Variants in RBFOX1 observed in about 807,000 individuals in gnomAD.
RBFOX1 encodes RNA binding protein fox-1 homolog 1.
RBFOX1 carries 8 observed loss-of-function variants against 57.7 expected under a neutral mutation model. The observed-to-expected ratio is 0.14, with a 90% CI of 0.08 to 0.25. The LOEUF (loss-of-function observed/expected upper bound fraction) is 0.25, where lower values mean the gene tolerates loss of function less well. Among genes scored for constraint, RBFOX1 ranks in the 10% least tolerant of loss-of-function variants. The probability of loss-of-function intolerance (pLI) is 1.00; values close to 1 mark genes in which losing one functional copy is unlikely to be tolerated. For synonymous variants in RBFOX1, 326 were observed against 222.4 expected (o/e 1.47, Z -4.15); for missense variants, 611 against 548.5 (o/e 1.11, Z -1.14).
At chr16:5,940,974 T>G (rs926708209) in intron 4 of RBFOX1, among the ~76,000 whole-genome samples, 4 of 152,230 alleles carry the variant, frequency 2.6e-5, no homozygotes, top group African/African-American at 9.6e-5. Flanking sequence ...AATGACCTTC[T>G]GAGTCTGTTT....
intron 4 of RBFOX1, among the ~76,000 whole-genome samples, chr16:7,296,682 T>A (rs1474391797): frequency 6.6e-6 from 1 of 152,168 alleles, no homozygotes; most frequent in African/African-American, 2.4e-5. Flanking sequence ...ATGAATAGGC[T>A]CCCTAGCCTG....
At chr16:6,151,433 G>A (rs757948253) in intron 1 of RBFOX1, among the ~76,000 whole-genome samples, 10 of 151,984 alleles carry the variant, frequency 6.6e-5, no homozygotes, top group Non-Finnish European at 1.3e-4. Flanking sequence ...TTACAGGCGC[G>A]CTTCACCACA....
chr16:6,909,005 C>T (rs1410542513), intron 3 of RBFOX1, among the ~76,000 whole-genome samples: 2 of 152,158 alleles, frequency 1.3e-5, no homozygotes, highest in African/African-American at 2.4e-5. Context: ...CATGCTTAGA[C>T]TTCCATTTCT....
rs185359473 is a variant in RBFOX1 at position 7,296,102 on chromosome 16, T to C, written c.28-222045T>C. 1.6e-4 allele frequency among the ~76,000 whole-genome samples: 24 copies of C among 150,950 alleles called. No individual in the cohort carries two copies. In the East Asian group the frequency reaches 2.4e-3, roughly 15 times the overall value. The stretch of plus-strand genomic sequence containing the variant: ...CACTTTACATTCATTATCTCGGTGG[T>C]TCCCAAATGCCGATCCACAGACTCA... On this transcript the variant is annotated intron_variant, in intron 4 of 15. Coordinates refer to ENST00000550418, the MANE Select transcript of RBFOX1 (RefSeq NM_018723.4).
In RBFOX1 at chr16:7,641,764, A is replaced by T. The variant is rs145257533; in HGVS notation, c.757+11081A>T. On this transcript the variant is annotated intron_variant, in intron 11 of 15. Transcript: ENST00000550418. The stretch of plus-strand genomic sequence containing the variant: ...TGGATTCAGGAAAGTCTGGGAGTAA[A>T]CTGTCACGGTAGACTAGTGCTGTGA... 1.3e-3 allele frequency among the ~76,000 whole-genome samples: 201 copies of T among 152,256 alleles called. 2 individuals carry two copies. Among genetic ancestry groups the T allele is most frequent in the African/African-American group, 4.7e-3 (194 of 41,552 alleles).
At chr16:6,769,951 T>C (rs1039442440) in intron 3 of RBFOX1, among the ~76,000 whole-genome samples, 5 of 152,204 alleles carry the variant, frequency 3.3e-5, no homozygotes, top group Non-Finnish European at 7.3e-5. Flanking sequence ...TGTTCCTATC[T>C]ATGTGCCTTA....
chr16:6,943,943 T>G lies in RBFOX1; in HGVS notation c.-15-108114T>G, dbSNP rs546992093. 3.3e-5 allele frequency among the ~76,000 whole-genome samples: 5 copies of G among 152,316 alleles called. No individual in the cohort carries two copies. The South Asian group carries it at 1.0e-3, about 32-fold the overall frequency. ...CTGACCATGACATATCCCTGGAGTC[T>G]CTCTGAATCTGCTGGGATTCTGGGG... On this transcript the variant is annotated intron_variant, in intron 3 of 15. Coordinates refer to ENST00000550418, the MANE Select transcript of RBFOX1 (RefSeq NM_018723.4).
intron 1 of RBFOX1, among the ~76,000 whole-genome samples, chr16:6,114,236 G>A (rs1165723577): frequency 6.6e-6 from 1 of 152,154 alleles, no homozygotes; most frequent in Non-Finnish European, 1.5e-5. Context: ...TCCATCTTAT[G>A]CAATTAAGAG....
rs138635303 is a variant in RBFOX1 at position 7,156,885 on chromosome 16, G to T, written c.27+104787G>T. 3.9e-3 allele frequency among the ~76,000 whole-genome samples: 597 copies of T among 151,990 alleles called. 5 individuals are homozygous for T. The highest frequency in any genetic ancestry group is 0.014 in the African/African-American group (573 of 41,430). ...CTTTTCATAGATATTGCTAATATTT[G>T]CCCTCCAAGAAAGTTTTATCCGTTT... On this transcript the variant is annotated intron_variant, in intron 4 of 15. Coordinates refer to ENST00000550418, the MANE Select transcript of RBFOX1 (RefSeq NM_018723.4).
At chr16:7,170,946 A>G (rs1163365034) in intron 4 of RBFOX1, among the ~76,000 whole-genome samples, 1 of 152,076 alleles carries the variant, frequency 6.6e-6, no homozygotes, top group Non-Finnish European at 1.5e-5. Context: ...CTTTATTTGT[A>G]TATCAGGTTT....
intron 5 of RBFOX1, among the ~76,000 whole-genome samples, chr16:7,533,072 C>T (rs767753230): frequency 1.3e-5 from 2 of 152,194 alleles, no homozygotes; most frequent in Non-Finnish European, 2.9e-5. Flanking sequence ...GTCATCCGTC[C>T]CCTCTGACTA....
At chr16:6,952,808 T>C (rs2081035627) in intron 3 of RBFOX1, among the ~76,000 whole-genome samples, 1 of 151,988 alleles carries the variant, frequency 6.6e-6, no homozygotes, top group African/African-American at 2.4e-5. Flanking sequence ...AAACCCCATC[T>C]CTACTAAAAT....
At chr16:6,524,485 A>G (rs575865334) in intron 2 of RBFOX1, among the ~76,000 whole-genome samples, 1 of 152,114 alleles carries the variant, frequency 6.6e-6, no homozygotes, top group Non-Finnish European at 1.5e-5. Context: ...TTTGTCTTCC[A>G]TGTTACCTCG....
chr16:7,466,423 T>A (rs1422719368), intron 4 of RBFOX1, among the ~76,000 whole-genome samples: 1 of 152,072 alleles, frequency 6.6e-6, no homozygotes, highest in Non-Finnish European at 1.5e-5. Context: ...TACTCATGTT[T>A]CCATTTTAAG....
intron 4 of RBFOX1, among the ~76,000 whole-genome samples, chr16:5,982,313 G>C (rs2060190365): frequency 6.6e-6 from 1 of 151,546 alleles, no homozygotes; most frequent in Non-Finnish European, 1.5e-5. Context: ...TCGCTCTGTT[G>C]CACAGGCTGG....
At chr16:7,080,327 C>T (rs755873707) in intron 4 of RBFOX1, among the ~76,000 whole-genome samples, 1 of 152,028 alleles carries the variant, frequency 6.6e-6, no homozygotes, top group Non-Finnish European at 1.5e-5. Context: ...TTATTTCCTC[C>T]AATGCCTTGC....
chr16:7,473,155 A>G (rs142464573), intron 4 of RBFOX1, among the ~76,000 whole-genome samples: 86 of 152,212 alleles, frequency 5.7e-4, no homozygotes, highest in African/African-American at 2.0e-3. Flanking sequence ...AGGTGGGTGA[A>G]TTGCTTTAAG....
At chr16:5,573,559 C>T (rs117891611) in intron 2 of RBFOX1, among the ~76,000 whole-genome samples, 121 of 152,260 alleles carry the variant, frequency 7.9e-4, no homozygotes, top group Non-Finnish European at 1.5e-3. Flanking sequence ...CAGAAATCAA[C>T]CTGAGCTTCC....
intron 4 of RBFOX1, among the ~76,000 whole-genome samples, chr16:7,167,211 C>A (rs561214584): frequency 6.6e-6 from 1 of 151,728 alleles, no homozygotes; most frequent in South Asian, 2.1e-4. Flanking sequence ...GTCTCAAACT[C>A]CTGACCTTAA....
Sources: gnomAD v4.1 joint callset for allele counts (sites outside exome capture counted in the v4.1 genomes callset) on GRCh38, gnomAD v4.1.1 for gene constraint, MANE v1.5 for transcripts, NCBI Gene and HGNC (gene_info 2026-07-23, HGNC 2026-07-21) for gene names.